The following SNX14 variants were observed in gnomAD, a reference collection of about 807,000 sequenced individuals.
The protein encoded by SNX14 is sorting nexin 14, also known as sorting nexin-14.
In SNX14, 93 loss-of-function variants were observed where a neutral mutation model predicts 133.8. That is an observed-to-expected ratio of 0.70 (90% confidence interval 0.59 to 0.83). The LOEUF is 0.83. SNX14 is among the 40% of genes least tolerant of loss of function. The pLI, the probability that SNX14 is intolerant of heterozygous loss-of-function variation, is 0.00. For synonymous variants in SNX14, 368 were observed against 365.6 expected (o/e 1.01, Z -0.07); for missense variants, 945 against 1,094.9 (o/e 0.86, Z 1.93).
chr6:85,553,268 G>A (rs1788435313), intron 7 of SNX14, among the ~76,000 whole-genome samples: 1 of 152,174 alleles, frequency 6.6e-6, no homozygotes, highest in African/African-American at 2.4e-5. Context: ...TTTAAAGCGG[G>A]ATTAGCAAAG....
intron 18 of SNX14, among the ~76,000 whole-genome samples, chr6:85,530,541 A>AT (rs1486951075): frequency 6.6e-6 from 1 of 151,868 alleles, no homozygotes; most frequent in Non-Finnish European, 1.5e-5. Flanking sequence ...GCTACTCAGG[A>AT]GGCTAAGGCA....
At chr6:85,525,280 T>C (rs1778182202) in intron 21 of SNX14, among the ~76,000 whole-genome samples, 1 of 152,142 alleles carries the variant, frequency 6.6e-6, no homozygotes, top group African/African-American at 2.4e-5. Flanking sequence ...TTCTCACACA[T>C]CTTAATTTCC....
chr6:85,570,563 T>C (rs1052586411), intron 4 of SNX14, among the ~76,000 whole-genome samples: 1 of 152,100 alleles, frequency 6.6e-6, no homozygotes, highest in Non-Finnish European at 1.5e-5. Flanking sequence ...ATATAAAAAA[T>C]GAGATACTTG....
At chr6:85,514,875 C>T (rs746943337) in intron 23 of SNX14, among the ~76,000 whole-genome samples, 1 of 152,056 alleles carries the variant, frequency 6.6e-6, no homozygotes, top group Admixed American at 6.6e-5. Context: ...GTAGATAATT[C>T]ATTATCCATT....
intron 2 of SNX14, 46 bp downstream of exon 2, chr6:85,574,212 A>G (rs772909939): frequency 7.1e-7 from 1 of 1,408,542 alleles, no homozygotes; most frequent in Non-Finnish European, 9.5e-7. Context: ...TAAACAGCTT[A>G]GGCTCATATA....
intron 7 of SNX14, among the ~76,000 whole-genome samples, chr6:85,553,769 G>C (rs1450943301): frequency 7.1e-6 from 1 of 141,730 alleles, no homozygotes; most frequent in African/African-American, 2.6e-5. Context: ...CTCGGCGACA[G>C]AGCAAGACTC....
At chr6:85,579,697 A>G (rs6928448) in intron 1 of SNX14, among the ~76,000 whole-genome samples, 144,572 of 152,282 alleles carry the variant, frequency 0.95, 68,709 homozygotes, top group East Asian at 1. Flanking sequence ...TCATTTACAC[A>G]TGTCCTGGCC....
At chr6:85,529,915 T>C (rs1414028251) in intron 19 of SNX14, among the ~76,000 whole-genome samples, 1 of 151,962 alleles carries the variant, frequency 6.6e-6, no homozygotes, top group South Asian at 2.1e-4. Flanking sequence ...AAAGAGTAAA[T>C]AGAGAACCCT....
At chr6:85,506,551 C>T (rs1311073177) in intron 28 of SNX14, among the ~76,000 whole-genome samples, 13 of 152,146 alleles carry the variant, frequency 8.5e-5, no homozygotes, top group African/African-American at 2.4e-4. Flanking sequence ...CCCCTGACCT[C>T]GTGATCCCCC....
At chr6:85,567,194 A>C (rs1794155543) in intron 5 of SNX14, among the ~76,000 whole-genome samples, 1 of 152,194 alleles carries the variant, frequency 6.6e-6, no homozygotes, top group African/African-American at 2.4e-5. Flanking sequence ...CTTCCTCTTT[A>C]CTATCACCAA....
chr6:85,562,811 C>T (rs576047844), intron 6 of SNX14, among the ~76,000 whole-genome samples: 3 of 151,968 alleles, frequency 2.0e-5, no homozygotes, highest in East Asian at 1.9e-4. Flanking sequence ...AGGCTGATCT[C>T]GAACTCCCGA....
intron 9 of SNX14, 23 bp downstream of exon 9, chr6:85,548,278 T>TA (rs756694158): frequency 1.6e-4 from 242 of 1,532,360 alleles, no homozygotes; most frequent in African/African-American, 4.3e-4. Flanking sequence ...TGTAACAATT[T>TA]AAAAAAAAAT....
chr6:85,512,781 C>T (rs183013546), intron 26 of SNX14, among the ~76,000 whole-genome samples: 27 of 152,262 alleles, frequency 1.8e-4, no homozygotes, highest in African/African-American at 5.3e-4. Flanking sequence ...TTTGAGTTCA[C>T]GGGTTTCTGC....
At chr6:85,538,471 A>G (rs1782619852) in intron 16 of SNX14, among the ~76,000 whole-genome samples, 1 of 152,144 alleles carries the variant, frequency 6.6e-6, no homozygotes, top group Non-Finnish European at 1.5e-5. Context: ...CCAGAAATAC[A>G]GAAACATCAT....
intron 19 of SNX14, among the ~76,000 whole-genome samples, chr6:85,528,581 T>TC (rs1779192780): frequency 6.6e-6 from 1 of 152,212 alleles, no homozygotes; most frequent in Admixed American, 6.5e-5. Flanking sequence ...ATTACTCTTG[T>TC]AACAATCACT....
intron 1 of SNX14, 67 bp downstream of exon 1, chr6:85,593,512 C>A (rs1803606843): frequency 6.5e-7 from 1 of 1,533,782 alleles, no homozygotes. Flanking sequence ...CACGGTTAAG[C>A]AGCACGGGCC....
At chr6:85,561,189 A>G (rs1357361587) in intron 6 of SNX14, 2 of 151,856 alleles carry the variant, frequency 1.3e-5, no homozygotes, top group African/African-American at 4.8e-5. Context: ...CAAAAAAAGA[A>G]TTAGTGAGGC....
chr6:85,574,177 AC>A, intron 2 of SNX14, 80 bp downstream of exon 2: 2 of 1,145,688 alleles, frequency 1.7e-6, no homozygotes, highest in Non-Finnish European at 2.3e-6. Flanking sequence ...AAAAAAATAT[AC>A]TGCTTTAGCA....
At chr6:85,537,099 CA>C (rs1292495055) in intron 16 of SNX14, 175 bp from the exon 17 acceptor site, 1 of 478,884 alleles carries the variant, frequency 2.1e-6, no homozygotes, top group Non-Finnish European at 3.5e-6. Context: ...TCTCAGAAGT[CA>C]AAAATGACAC....
Sources: gnomAD v4.1 joint callset for allele counts (sites outside exome capture counted in the v4.1 genomes callset) on GRCh38, gnomAD v4.1.1 for gene constraint, MANE v1.5 for transcripts, NCBI Gene and HGNC (gene_info 2026-07-23, HGNC 2026-07-21) for gene names.